ATP2B2: variants seen among roughly 807,000 people sequenced by gnomAD.
ATP2B2 encodes ATPase plasma membrane Ca2+ transporting 2, also known as plasma membrane calcium-transporting ATPase 2.
ATP2B2 carries 15 observed loss-of-function variants against 120.0 expected under a neutral mutation model. The observed-to-expected ratio is 0.12, with a 90% confidence interval of 0.08 to 0.19. The LOEUF is 0.19. Ranked by LOEUF, ATP2B2 falls within the 10% of genes least tolerant of loss-of-function variation. The pLI is 1.00. For missense variants in ATP2B2, 1,045 were observed against 1,719.8 expected (o/e 0.61, Z 6.94); for synonymous variants, 694 against 700.3 (o/e 0.99, Z 0.14).
At chr3:10,576,000 A>G (rs1047868486) in intron 2 of ATP2B2, among the ~76,000 whole-genome samples, 6 of 152,338 alleles carry the variant, frequency 3.9e-5, no homozygotes, top group African/African-American at 1.4e-4. Flanking sequence ...CTTGGCATGG[A>G]TGGCCTCACT....
At chr3:10,636,024 C>T (rs2070011654) in intron 1 of ATP2B2, among the ~76,000 whole-genome samples, 1 of 152,226 alleles carries the variant, frequency 6.6e-6, no homozygotes, top group Admixed American at 6.5e-5. Flanking sequence ...ATTTGGCAGC[C>T]TGGAGACCTC....
At chr3:10,503,937 G>A (rs1273806848) in intron 1 of ATP2B2, among the ~76,000 whole-genome samples, 1 of 152,242 alleles carries the variant, frequency 6.6e-6, no homozygotes, top group Non-Finnish European at 1.5e-5. Context: ...TTTTGCACGT[G>A]AGCATGTGGT....
chr3:10,696,296 T>A (rs2071740865), intron 1 of ATP2B2, among the ~76,000 whole-genome samples: 1 of 152,228 alleles, frequency 6.6e-6, no homozygotes, highest in Non-Finnish European at 1.5e-5. Flanking sequence ...ATTGCAGTGT[T>A]CCTGCAAACT....
upstream of ATP2B2, among the ~76,000 whole-genome samples, chr3:10,509,740 T>C (rs1433973051): frequency 2.6e-5 from 4 of 152,174 alleles, no homozygotes; most frequent in African/African-American, 7.2e-5. Flanking sequence ...TCCAGTCACA[T>C]GGAAGCCTCG....
chr3:10,337,066 G>A lies in ATP2B2; in HGVS notation c.3420+1110C>T, dbSNP rs576082815. ...GCCCAGGCCCGTGTCAGGCACCTCC[G>A]GGTCTGAAACCGGCTTCCAGTCCCC... On this transcript the variant is annotated intron_variant, in intron 22 of 22. Transcript: ENST00000360273. 2.6e-5 allele frequency among the ~76,000 whole-genome samples: 4 copies of A among 152,290 alleles called. No individual in the cohort carries two copies. In the South Asian group the frequency reaches 6.2e-4, roughly 24 times the overall value.
intron 1 of ATP2B2, among the ~76,000 whole-genome samples, chr3:10,459,388 G>A (rs1175942425): frequency 6.6e-6 from 1 of 152,226 alleles, no homozygotes; most frequent in East Asian, 1.9e-4. Flanking sequence ...GCAAGAGAGG[G>A]AACATGCCGT....
At chr3:10,613,724 C>G (rs1370606405) in intron 2 of ATP2B2, among the ~76,000 whole-genome samples, 1 of 151,980 alleles carries the variant, frequency 6.6e-6, no homozygotes, top group Admixed American at 6.6e-5. Context: ...TGGTAACATT[C>G]TCCCTGCTTC....
At chr3:10,559,278 GGTTA>G (rs2067848898) in intron 2 of ATP2B2, among the ~76,000 whole-genome samples, 1 of 152,142 alleles carries the variant, frequency 6.6e-6, no homozygotes, top group Non-Finnish European at 1.5e-5. Context: ...GATGGGGAGA[GGTTA>G]GTTAATGGAT....
intron 13 of ATP2B2, 139 bp downstream of exon 13, chr3:10,359,743 C>G: frequency 8.0e-7 from 1 of 1,255,892 alleles, no homozygotes; most frequent in Non-Finnish European, 1.1e-6. Context: ...CTCTGTGGCT[C>G]TGGGTGCTAG....
At position 10,329,247 on chromosome 3, in the gene ATP2B2, G is replaced by A. The variant is rs902755995; in HGVS notation, c.3421-122C>T. 30 of 979,112 alleles carry A rather than the reference G, an allele frequency of 3.1e-5. No homozygotes were observed. In the East Asian group the frequency reaches 3.9e-4, roughly 13 times the overall value. The allele number at this position is 979,112 out of a possible 1,614,324, so 60.7% of individuals were successfully genotyped here. A position where few individuals can be genotyped will look rare whatever the true frequency, so the allele number is the denominator to read the frequency against. On this transcript the variant is annotated intron_variant, in intron 22 of 22. Coordinates refer to ENST00000360273, the MANE Select transcript of ATP2B2 (RefSeq NM_001001331.4). This position sits in a 1 kb window ranked among gnomAD's most constrained non-coding sequence, Gnocchi z 5.9. Reference sequence around the variant, plus strand: ...AAGCAGGTGGCTGGAATCCATAGTCGCTGGGTGTTATTAGCATTGACAGGA... The same window carrying A: ...AAGCAGGTGGCTGGAATCCATAGTCACTGGGTGTTATTAGCATTGACAGGA...
At chr3:10,489,748 C>T (rs1053544356) in intron 1 of ATP2B2, among the ~76,000 whole-genome samples, 4 of 152,228 alleles carry the variant, frequency 2.6e-5, no homozygotes, top group Non-Finnish European at 5.9e-5. Context: ...ACCCCAGCTG[C>T]ACCGTGAGCC....
intron 1 of ATP2B2, among the ~76,000 whole-genome samples, chr3:10,659,704 A>C (rs1323471012): frequency 1.3e-5 from 2 of 152,222 alleles, no homozygotes; most frequent in East Asian, 1.9e-4. Context: ...AAAGTTAACA[A>C]GGATATCCAG....
At chr3:10,508,102 C>T (rs1176621836), upstream of ATP2B2, among the ~76,000 whole-genome samples, 1 of 152,202 alleles carries the variant, frequency 6.6e-6, no homozygotes, top group Non-Finnish European at 1.5e-5. Context: ...GACCCTAAGA[C>T]TAGAACTGCC....
intron 1 of ATP2B2, among the ~76,000 whole-genome samples, chr3:10,694,537 C>G (rs2071713741): frequency 6.6e-6 from 1 of 152,216 alleles, no homozygotes; most frequent in South Asian, 2.1e-4. Flanking sequence ...TGGACCACAG[C>G]TGTTTAACAC....
rs1478498801 is a variant in ATP2B2 at position 10,525,909 on chromosome 3, T to C, written c.-320+8130A>G. On this transcript the variant is annotated intron_variant, in intron 3 of 21. Transcript: ENST00000646379. Reference sequence around the variant, plus strand: ...CATTCTCTGTCATTGTTTTGTATCATCTGCTTCGCAACTGTATTCATTACA... The same window carrying C: ...CATTCTCTGTCATTGTTTTGTATCACCTGCTTCGCAACTGTATTCATTACA... Among the ~76,000 whole-genome samples, 7 of 152,348 alleles carry C rather than the reference T, an allele frequency of 4.6e-5. No homozygotes were observed. In the East Asian group the frequency reaches 1.3e-3, roughly 29 times the overall value.
At position 10,343,336 on chromosome 3, in the gene ATP2B2, T is replaced by C. The variant is rs1261982668; in HGVS notation, c.2704-371A>G. ...TCCCACCGCCTCCGGCATGGGCTCC[T>C]ACCTCCTCCCCCCACTGCCTCCTCC... On this transcript the variant is annotated intron_variant, in intron 18 of 22. Coordinates refer to ENST00000360273, the MANE Select transcript of ATP2B2 (RefSeq NM_001001331.4). This position sits in a 1 kb window ranked among gnomAD's most constrained non-coding sequence, Gnocchi z 4.2. Among the ~76,000 whole-genome samples, 2 of 151,462 alleles carry C rather than the reference T, an allele frequency of 1.3e-5. No homozygotes were observed. Among genetic ancestry groups the C allele is most frequent in the East Asian group, 3.9e-4 (2 of 5,120 alleles).
intron 3 of ATP2B2, among the ~76,000 whole-genome samples, chr3:10,520,033 C>G (rs6793418): frequency 0.35 from 52,776 of 152,084 alleles, 9,469 homozygotes; most frequent in South Asian, 0.46. Flanking sequence ...CAGGTCCCCA[C>G]CCTGATCCCT....
At chr3:10,568,280 C>A (rs528901405) in intron 2 of ATP2B2, among the ~76,000 whole-genome samples, 3 of 152,318 alleles carry the variant, frequency 2.0e-5, no homozygotes, top group East Asian at 3.9e-4. Flanking sequence ...GTGAACCAAG[C>A]CAGCTTGCTC....
At chr3:10,582,382 T>C (rs768315455) in intron 2 of ATP2B2, among the ~76,000 whole-genome samples, 3 of 152,126 alleles carry the variant, frequency 2.0e-5, no homozygotes, top group Non-Finnish European at 4.4e-5. Flanking sequence ...ACATCTTTCT[T>C]TCAACAACAC....
Sources: allele counts gnomAD v4.1 joint callset (sites outside exome capture counted in the v4.1 genomes callset), GRCh38; gene constraint gnomAD v4.1.1; non-coding constraint Gnocchi (gnomAD v3.1); transcripts MANE v1.5; gene names NCBI Gene and HGNC (gene_info 2026-07-23, HGNC 2026-07-21).